ARHGAP45: variants seen among roughly 807,000 people sequenced by gnomAD.
The protein encoded by ARHGAP45 is rho GTPase-activating protein 45.
In ARHGAP45, 56 loss-of-function variants were observed where a neutral mutation model predicts 116.1. The observed-to-expected ratio is 0.48, with a 90% confidence interval of 0.39 to 0.60. ARHGAP45 has a LOEUF of 0.60. Ranked by LOEUF, ARHGAP45 falls within the 20% of genes least tolerant of loss-of-function variation. ARHGAP45 has a pLI of 0.00. For synonymous variants in ARHGAP45, 866 were observed against 701.7 expected (o/e 1.23, Z -3.70); for missense variants, 1,622 against 1,601.0 (o/e 1.01, Z -0.22).
At position 1,085,673 on chromosome 19, in the gene ARHGAP45, G is replaced by T; in HGVS notation, c.3078G>T (p.Val1026=). The T allele has an allele frequency of 6.4e-7, 1 of 1,573,928 alleles. No homozygotes were observed. Among genetic ancestry groups the T allele is most frequent in the Non-Finnish European group, 8.6e-7 (1 of 1,156,168 alleles). The part of the protein sequence containing the change: ...AADGCRESRV[V]SNDSDSDLEE... ...TCCCTTTCTTAGAATCCCGAGTTGT[G>T]TCCAACGATTCGGACTCGGACCTAG... The change falls in exon 23 of 23, where the codon GTG becomes GTT. Residue 1026 remains valine, a synonymous_variant. Coordinates refer to ENST00000313093, the MANE Select transcript of ARHGAP45 (RefSeq NM_012292.5).
intron 11 of ARHGAP45, among the ~76,000 whole-genome samples, chr19:1,078,673 T>C (rs1170956039): frequency 6.6e-6 from 1 of 151,282 alleles, no homozygotes; most frequent in East Asian, 2.0e-4. Context: ...CCTCCCAAAG[T>C]GCTGGGATTA....
At position 1,083,269 on chromosome 19, in the gene ARHGAP45, C is replaced by A; in HGVS notation, c.2871C>A (p.Pro957=). Residue 957 remains proline (P), a synonymous_variant, in exon 21 of 23, where the codon CCC becomes CCA. Coordinates refer to ENST00000313093, the MANE Select transcript of ARHGAP45 (RefSeq NM_012292.5). ...CCCTCTCCTCCCTGGTGGATTATCC[C>A]CATCAGGCCCGCGTCATCGAGACTC... is the stretch of plus-strand genomic sequence containing the variant. ...TVSLSSLVDY[P]HQARVIETLI... is the part of the protein sequence containing the mutation. The A allele has an allele frequency of 6.3e-7, 1 of 1,598,118 alleles. No homozygotes were observed.
At position 1,085,927 on chromosome 19, in the gene ARHGAP45, C is replaced by T. The variant is rs2043624521; in HGVS notation, c.3332C>T (p.Ala1111Val). Residue 1111 changes from alanine (A) to valine (V), a missense_variant, in exon 23 of 23, where the codon GCC becomes GTC. Ala to Val is a moderately conservative substitution (Grantham distance 64, BLOSUM62 0). Coordinates refer to ENST00000313093, the MANE Select transcript of ARHGAP45 (RefSeq NM_012292.5). ...NTNQSNNVLQ[A>V]PLPPMRLRGG... is the part of the protein sequence containing the mutation. ...AACCAGTCCAACAACGTGCTGCAGG[C>T]CCCACTGCCCCCCATGAGGCTCCGT... 2 of 1,612,956 alleles carry T rather than the reference C, an allele frequency of 1.2e-6. No homozygotes were observed. The highest frequency in any genetic ancestry group is 1.7e-6 in the Non-Finnish European group (2 of 1,179,956).
intron 10 of ARHGAP45, among the ~76,000 whole-genome samples, chr19:1,076,481 GTCTTTTTT>G (rs2043251335): frequency 9.6e-6 from 1 of 104,150 alleles, no homozygotes; most frequent in Admixed American, 1.0e-4. Flanking sequence ...GTTGGCAGTA[GTCTTTTTT>G]TTTTTTTTTT....
chr19:1,079,888 G>T (rs1568472198), intron 12 of ARHGAP45, 40 bp from the exon 13 acceptor site: 2 of 1,593,878 alleles, frequency 1.3e-6, no homozygotes, highest in Admixed American at 3.4e-5. Context: ...GGACCGGGCG[G>T]CCTCCTCCTG....
At chr19:1,067,112 G>A, upstream of ARHGAP45, 1 of 1,072,938 alleles carries the variant, frequency 9.3e-7, no homozygotes. Context: ...GAAGGCGGAA[G>A]CGGGGGGCGC....
chr19:1,073,766 G>T lies in ARHGAP45; in HGVS notation c.723+20G>T, dbSNP rs1359378254. Reference sequence around the variant, plus strand: ...AGCCAGGTGAGTGGGGTGGGCCAGGGCCACCTGTGTCCAGCTTCTGGAGGC... The same window carrying T: ...AGCCAGGTGAGTGGGGTGGGCCAGGTCCACCTGTGTCCAGCTTCTGGAGGC... On this transcript the variant is annotated intron_variant, in intron 5 of 22. Transcript: ENST00000313093. 5 of 1,570,368 alleles carry T rather than the reference G, an allele frequency of 3.2e-6. No individual in the cohort carries two copies. The highest frequency in any genetic ancestry group is 4.3e-6 in the Non-Finnish European group (5 of 1,157,222).
intron 10 of ARHGAP45, among the ~76,000 whole-genome samples, chr19:1,075,543 C>G (rs921975020): frequency 2.0e-5 from 3 of 152,142 alleles, no homozygotes; most frequent in African/African-American, 7.2e-5. Flanking sequence ...CCGCACCCAC[C>G]CGGCCTCCTG....
At position 1,069,761 on chromosome 19, in the gene ARHGAP45, G is replaced by A. The variant is rs2043104274; in HGVS notation, c.421+1017G>A. On this transcript the variant is annotated intron_variant, in intron 2 of 22. Transcript: ENST00000313093. The surrounding 1 kb of genome is among the most constrained non-coding windows in gnomAD (Gnocchi z 4.1). ...TCCTTGGAGGCCTGGCCTGGGCGGG[G>A]CTCAGCTCCCAGGCTCCTGCAGGAG... is the stretch of plus-strand genomic sequence containing the variant. Among the ~76,000 whole-genome samples the A allele has an allele frequency of 6.6e-6, 1 of 151,894 alleles. No individual in the cohort carries two copies. Among genetic ancestry groups the A allele is most frequent in the Non-Finnish European group, 1.5e-5 (1 of 67,966 alleles).
chr19:1,078,162 G>C, intron 11 of ARHGAP45, 117 bp downstream of exon 11: 2 of 1,434,664 alleles, frequency 1.4e-6, no homozygotes, highest in Non-Finnish European at 1.8e-6. Context: ...GTTTGTTTTT[G>C]AGACGGAGTC....
rs1401232692 is a variant in ARHGAP45 at position 1,068,621 on chromosome 19, C to A, written c.298C>A (p.Pro100Thr). 3.1e-6 allele frequency: 5 copies of A among 1,611,552 alleles called. No homozygotes were observed. The highest frequency in any genetic ancestry group is 3.4e-6 in the Non-Finnish European group (4 of 1,179,374). ...SHRSPLTAAS[P>T]GELPTEGAGP... ...CCGGAGCCCACTGACAGCCGCCAGC[C>A]CGGGCGAGCTGCCCACCGAGGGTGC... The change falls in exon 2 of 23, where the codon CCG becomes ACG. Residue 100 changes from proline to threonine, a missense_variant. By Grantham distance (38) the Pro-to-Thr change is conservative. Around this residue, in one of 3 missense-constraint regions of ARHGAP45, gnomAD observed 279 missense variants for 311.9 expected, o/e 0.89. Transcript: ENST00000313093. This position sits in a 1 kb window ranked among gnomAD's most constrained non-coding sequence, Gnocchi z 7.5.
chr19:1,075,027 G>C (rs973960618), intron 10 of ARHGAP45, 148 bp downstream of exon 10: 114 of 441,394 alleles, frequency 2.6e-4, no homozygotes, highest in South Asian at 1.6e-3. Context: ...AGGCTGGGCC[G>C]CCCCCCCCAA....
intron 10 of ARHGAP45, 108 bp downstream of exon 10, chr19:1,074,987 C>G (rs1224258467): frequency 1.1e-6 from 1 of 901,996 alleles, no homozygotes; most frequent in Non-Finnish European, 1.5e-6. Context: ...TCCGCACACG[C>G]CCCGGCCTCC....
Position 1,074,809 on chromosome 19 carries a change from T to C in ARHGAP45, c.1115T>C (p.Leu372Pro), listed in dbSNP as rs1387767176. The C allele has an allele frequency of 1.4e-6, 2 of 1,438,578 alleles. No individual in the cohort carries two copies. The highest frequency in any genetic ancestry group is 1.9e-6 in the Non-Finnish European group (2 of 1,074,012). 89.1% of individuals were successfully genotyped at this position (1,438,578 alleles called of 1,614,324 possible). The part of the protein sequence containing the change: ...QTQTFMQPLT[L>P]RRLEHEKRRK... ...CCCGTCTCGCCCCAGCCCCTGACCCTGCGGCGGCTTGAACACGAGAAGCGC... is the reference window on the plus strand; with the variant it reads ...CCCGTCTCGCCCCAGCCCCTGACCCCGCGGCGGCTTGAACACGAGAAGCGC... Residue 372 changes from leucine to proline, a missense_variant, in exon 10 of 23, where the codon CTG becomes CCG. Leu to Pro is a moderately conservative substitution (Grantham distance 98). Around this residue, in one of 3 missense-constraint regions of ARHGAP45, gnomAD observed 1,334 missense variants for 1,263.8 expected, o/e 1.06. Transcript: ENST00000313093.
At position 1,077,646 on chromosome 19, in the gene ARHGAP45, A is replaced by G. The variant is rs111240368; in HGVS notation, c.1186-211A>G. The G allele has an allele frequency of 2.5e-3, 3,523 of 1,432,204 alleles. 91 individuals carry two copies. The African/African-American group carries it at 0.045, about 18-fold the overall frequency. 88.7% of individuals were successfully genotyped at this position (1,432,204 alleles called of 1,614,324 possible). On this transcript the variant is annotated intron_variant, in intron 10 of 22. Transcript: ENST00000313093. The stretch of plus-strand genomic sequence containing the variant: ...AGTGATCCACCTGCCTCGGCCTCCC[A>G]AAGTGCTGGGATTACAGACGTGAGC...
At chr19:1,070,980 G>C (rs1451154671) in intron 2 of ARHGAP45, among the ~76,000 whole-genome samples, 1 of 152,290 alleles carries the variant, frequency 6.6e-6, no homozygotes, top group East Asian at 1.9e-4. Context: ...CCCACAGCTT[G>C]GGGACCCGCG....
intron 10 of ARHGAP45, 100 bp from the exon 11 acceptor site, chr19:1,077,757 G>C (rs769137370): frequency 3.2e-6 from 5 of 1,540,632 alleles, no homozygotes; most frequent in Non-Finnish European, 4.4e-6. Flanking sequence ...ATGGGGCCTT[G>C]CTGAGAGAGA....
At chr19:1,077,061 G>A in intron 10 of ARHGAP45, 1 of 985,078 alleles carries the variant, frequency 1.0e-6, no homozygotes, top group Non-Finnish European at 1.2e-6. Context: ...CCGTTTGTTT[G>A]TGTGCGAATC....
upstream of ARHGAP45, chr19:1,066,236 A>G: frequency 8.7e-7 from 1 of 1,153,660 alleles, no homozygotes; most frequent in Non-Finnish European, 1.2e-6. Flanking sequence ...CTGGAAGGGG[A>G]CAGCAGGGAG....
Sources: gnomAD v4.1 joint callset for allele counts (sites outside exome capture counted in the v4.1 genomes callset) on GRCh38, gnomAD v4.1.1 for gene constraint, gnomAD v4.1.1 regional missense constraint, Gnocchi (gnomAD v3.1) non-coding constraint, MANE v1.5 for transcripts, NCBI Gene and HGNC (gene_info 2026-07-23, HGNC 2026-07-21) for gene names.